INPP5B: variants seen among roughly 807,000 people sequenced by gnomAD.
INPP5B encodes type II inositol 1,4,5-trisphosphate 5-phosphatase.
Under a neutral mutation model 118.5 loss-of-function variants are expected in INPP5B, and 90 were observed. That is an observed-to-expected ratio of 0.76 (90% CI 0.64 to 0.90). The LOEUF (loss-of-function observed/expected upper bound fraction) is 0.90. INPP5B is among the 40% of genes least tolerant of loss of function. The pLI, the probability that INPP5B is intolerant of heterozygous loss-of-function variation, is 0.00. For synonymous variants in INPP5B, 385 were observed against 418.9 expected, an observed-to-expected ratio of 0.92 and a Z score of 0.99; for missense variants, 984 against 1,125.6, an observed-to-expected ratio of 0.87 and a Z score of 1.80.
rs1363716421 is a variant in INPP5B at position 37,896,981 on chromosome 1, T to TG, written c.533-5528dup. Among the ~76,000 whole-genome samples the TG allele has an allele frequency of 3.1e-3, 280 of 90,204 alleles. 4 individuals carry two copies. Among genetic ancestry groups the TG allele is most frequent in the Non-Finnish European group, 4.5e-3 (184 of 40,636 alleles). The allele number at this position is 90,204 out of a possible 152,430, so 59.2% of individuals were successfully genotyped here. On this transcript the variant is annotated intron_variant, in intron 7 of 23. Coordinates refer to ENST00000373024, the MANE Select transcript of INPP5B (RefSeq NM_005540.3). The stretch of plus-strand genomic sequence containing the variant: ...CCAGCCGCCCCGTCCGGGAGGGAGG[T>TG]GGGGGGGTCAGCCCCCCGCCCGGCC...
chr1:37,883,263 A>G, intron 13 of INPP5B: 1 of 985,422 alleles, frequency 1.0e-6, no homozygotes, highest in Non-Finnish European at 1.2e-6. Context: ...CACGCCAATC[A>G]CCCAGAGATC....
In INPP5B at chr1:37,936,546, G is replaced by A. The variant is rs183172135; in HGVS notation, c.391+4142C>T. 3.3e-3 allele frequency among the ~76,000 whole-genome samples: 508 copies of A among 151,962 alleles called. 1 individual carries two copies. The highest frequency in any genetic ancestry group is 0.012 in the African/African-American group (478 of 41,446). On this transcript the variant is annotated intron_variant, in intron 6 of 23. Coordinates refer to ENST00000373024, the MANE Select transcript of INPP5B (RefSeq NM_005540.3). The stretch of plus-strand genomic sequence containing the variant: ...TGAGGCAAGAGAATCGCTTGAACCC[G>A]GGAGGTGGAGGTTGTAGTGATACAA...
Position 37,946,343 on chromosome 1 carries a change from G to A in INPP5B, c.-26-9C>T. The A allele has an allele frequency of 1.3e-6, 2 of 1,598,784 alleles. No homozygotes were observed. The highest frequency in any genetic ancestry group is 2.2e-5 in the East Asian group (1 of 44,530). ...TGCTGAGCGCACACACCCTGTGGGA[G>A]GGGAGATAGGAGCCCCGCTTTGGTC... On this transcript the variant is annotated splice_polypyrimidine_tract_variant and intron_variant, in intron 1 of 23. Coordinates refer to ENST00000373024, the MANE Select transcript of INPP5B (RefSeq NM_005540.3).
intron 7 of INPP5B, among the ~76,000 whole-genome samples, chr1:37,900,598 C>T (rs1644295296): frequency 6.6e-6 from 1 of 150,900 alleles, no homozygotes; most frequent in Non-Finnish European, 1.5e-5. Flanking sequence ...CACAGATCTC[C>T]ATGTTTACTT....
rs112472581 is a variant in INPP5B, at chr1:37,873,900, C to T, written c.1951+93G>A. On this transcript the variant is annotated intron_variant, in intron 18 of 23. Coordinates refer to ENST00000373024, the MANE Select transcript of INPP5B (RefSeq NM_005540.3). ...AAAGCCTCAAGCAGAGAATAAAACA[C>T]TCAAGCAAAAAGCTCATTTTAGGAA... The T allele has an allele frequency of 4.3e-3, 4,275 of 999,140 alleles. 15 individuals are homozygous for T. Among genetic ancestry groups the T allele is most frequent in the Non-Finnish European group, 4.5e-3 (3,293 of 732,578 alleles). The allele number at this position is 999,140 out of a possible 1,614,324, so 61.9% of individuals were successfully genotyped here.
chr1:37,879,997 T>C, intron 15 of INPP5B, 88 bp downstream of exon 15: 1 of 739,990 alleles, frequency 1.4e-6, no homozygotes, highest in East Asian at 2.6e-5. Context: ...AGGAAGCATA[T>C]ATTCTTCCTT....
At chr1:37,903,335 T>C (rs1644395742) in intron 7 of INPP5B, among the ~76,000 whole-genome samples, 2 of 152,196 alleles carry the variant, frequency 1.3e-5, no homozygotes, top group African/African-American at 4.8e-5. Flanking sequence ...CCATGACAGT[T>C]TACAAATGCC....
intron 6 of INPP5B, among the ~76,000 whole-genome samples, chr1:37,937,794 A>T (rs891756235): frequency 2.7e-5 from 4 of 150,030 alleles, no homozygotes; most frequent in East Asian, 3.9e-4. Flanking sequence ...AAAATAAAAT[A>T]AAAATAAAAA....
intron 7 of INPP5B, among the ~76,000 whole-genome samples, chr1:37,899,735 T>TA (rs1259431292): frequency 2.9e-5 from 4 of 135,870 alleles, no homozygotes; most frequent in African/African-American, 1.0e-4. Flanking sequence ...TTTTTTTTTT[T>TA]ATGGAGTCTT....
chr1:37,915,999 G>A (rs1644848657), intron 7 of INPP5B, among the ~76,000 whole-genome samples: 1 of 152,154 alleles, frequency 6.6e-6, no homozygotes, highest in Admixed American at 6.5e-5. Context: ...AAGATCTGTT[G>A]AAGGCCCAGA....
rs761860470 is a variant in INPP5B at position 37,943,826 on chromosome 1, G to C, written c.220C>G (p.Pro74Ala). Residue 74 changes from proline to alanine, a missense_variant, in exon 4 of 24, where the codon CCA becomes GCA. This residue lies in a region of INPP5B where 350 missense variants were observed against 334.6 expected (regional missense o/e 1.05). Transcript: ENST00000373024. ...GDDVSLDQIV[P>A]VSRDFTLEEV... ...TCCAGCGTAAAATCCCGCGAGACTG[G>C]CACTATCTGGTCCAGAGAGACATCG... 2 of 1,614,076 alleles carry C rather than the reference G, an allele frequency of 1.2e-6. No homozygotes were observed. The highest frequency in any genetic ancestry group is 1.7e-6 in the Non-Finnish European group (2 of 1,179,968).
chr1:37,868,268 G>A (rs1346545446), intron 20 of INPP5B, among the ~76,000 whole-genome samples: 2 of 142,040 alleles, frequency 1.4e-5, no homozygotes, highest in Non-Finnish European at 3.0e-5. Context: ...AGTCAAGATC[G>A]CACCATTGCA....
At chr1:37,927,892 G>A (rs1021149942) in intron 7 of INPP5B, among the ~76,000 whole-genome samples, 2 of 152,052 alleles carry the variant, frequency 1.3e-5, no homozygotes, top group Admixed American at 6.5e-5. Flanking sequence ...GAATTCAGCA[G>A]AGACAAATCA....
chr1:37,939,055 G>A (rs571497544), intron 6 of INPP5B, among the ~76,000 whole-genome samples: 18 of 152,028 alleles, frequency 1.2e-4, no homozygotes, highest in African/African-American at 3.4e-4. Flanking sequence ...TCAGCTGGGC[G>A]TGGTGGTGGG....
At chr1:37,935,287 G>T (rs1188133166) in intron 6 of INPP5B, among the ~76,000 whole-genome samples, 1 of 148,314 alleles carries the variant, frequency 6.7e-6, no homozygotes, top group East Asian at 2.1e-4. Context: ...TGCCTCCCGG[G>T]TTCAAGCGAT....
chr1:37,880,095 A>C lies in INPP5B; in HGVS notation c.1531T>G (p.Trp511Gly), dbSNP rs1643100668. Residue 511 changes from tryptophan to glycine, a missense_variant, in exon 15 of 24, where the codon TGG (tryptophan) becomes GGG (glycine). This residue lies in a region of INPP5B where 634 missense variants were observed against 791.0 expected (regional missense o/e 0.80). Transcript: ENST00000373024. Reference protein sequence around the residue: ...TYKYDTGSDDWDTSEKCRAPA... With the variant: ...TYKYDTGSDDGDTSEKCRAPA... ...CAACCTCTGACCTACCTGGTATCCC[A>C]GTCGTCAGAGCCCGTATCATACTTG... is the stretch of plus-strand genomic sequence containing the variant. 1 of 1,605,334 alleles carries C rather than the reference A, an allele frequency of 6.2e-7. No individual in the cohort carries two copies. The highest frequency in any genetic ancestry group is 1.3e-5 in the African/African-American group (1 of 74,804).
chr1:37,928,874 A>T (rs1645342397), intron 7 of INPP5B: 1 of 152,002 alleles, frequency 6.6e-6, no homozygotes, highest in South Asian at 2.1e-4. Flanking sequence ...TGCATATAGG[A>T]AAAAACAAAT....
chr1:37,910,620 T>C (rs1313257488), intron 7 of INPP5B, among the ~76,000 whole-genome samples: 1 of 152,062 alleles, frequency 6.6e-6, no homozygotes, highest in Non-Finnish European at 1.5e-5. Flanking sequence ...TAATCACCCT[T>C]ACCCTGCTCA....
intron 7 of INPP5B, among the ~76,000 whole-genome samples, chr1:37,892,864 T>C (rs1437762223): frequency 6.6e-6 from 1 of 151,998 alleles, no homozygotes; most frequent in Non-Finnish European, 1.5e-5. Context: ...TTAGTGCCCT[T>C]ATAAGGGTTG....
Sources: allele counts gnomAD v4.1 joint callset (sites outside exome capture counted in the v4.1 genomes callset), GRCh38; gene constraint gnomAD v4.1.1; regional missense constraint gnomAD v4.1.1; transcripts MANE v1.5; gene names NCBI Gene and HGNC (gene_info 2026-07-23, HGNC 2026-07-21).